Variants in CTNND2 observed in about 807,000 individuals in gnomAD.
CTNND2 encodes catenin delta-2.
Under a neutral mutation model 144.4 loss-of-function variants are expected in CTNND2, and 22 were observed. The observed-to-expected ratio is 0.15, with a 90% confidence interval of 0.11 to 0.22. The LOEUF (loss-of-function observed/expected upper bound fraction) is 0.22. CTNND2 is among the 10% of genes least tolerant of loss of function. The probability of loss-of-function intolerance (pLI) is 1.00; values close to 1 mark genes in which losing one functional copy is unlikely to be tolerated. For synonymous variants in CTNND2, 751 were observed against 695.6 expected, an observed-to-expected ratio of 1.08 and a Z score of -1.25; for missense variants, 1,353 against 1,618.8, an observed-to-expected ratio of 0.84 and a Z score of 2.82.
At chr5:11,522,646 T>C (rs1425669354) in intron 3 of CTNND2, among the ~76,000 whole-genome samples, 2 of 152,192 alleles carry the variant, frequency 1.3e-5, no homozygotes, top group African/African-American at 2.4e-5. Flanking sequence ...AAATTGCACA[T>C]AGAGAACAGA....
intron 10 of CTNND2, among the ~76,000 whole-genome samples, chr5:11,215,896 G>T (rs1739123107): frequency 6.6e-6 from 1 of 152,218 alleles, no homozygotes; most frequent in Admixed American, 6.5e-5. Flanking sequence ...ACAAATTAAA[G>T]AAATTGTGGT....
rs1232627080 is a variant in CTNND2 at position 11,903,845 on chromosome 5, C to T, written c.9G>A (p.Ala3=). Residue 3 remains alanine, a synonymous_variant, in exon 1 of 22, where the codon GCG becomes GCA. Transcript: ENST00000304623. The surrounding 1 kb of genome is among the most constrained non-coding windows in gnomAD (Gnocchi z 5.4). MF[A]RKPPGAAPLG... ...AAGGCGCGGCGCCCGGCGGCTTCCT[C>T]GCAAACATGCACCCTCCGCCGGCGA... 6.7e-7 allele frequency: 1 copy of T among 1,483,912 alleles called. No homozygotes were observed. The highest frequency in any genetic ancestry group is 8.9e-7 in the Non-Finnish European group (1 of 1,123,164). 91.9% of individuals were successfully genotyped at this position (1,483,912 alleles called of 1,614,324 possible).
At chr5:11,664,831 G>A (rs1301969184) in intron 2 of CTNND2, among the ~76,000 whole-genome samples, 2 of 152,100 alleles carry the variant, frequency 1.3e-5, no homozygotes, top group African/African-American at 4.8e-5. Context: ...GCTCCATCAG[G>A]TCTTGTTCAG....
intron 2 of CTNND2, among the ~76,000 whole-genome samples, chr5:11,608,290 A>T (rs1780159781): frequency 6.6e-6 from 1 of 152,140 alleles, no homozygotes; most frequent in Non-Finnish European, 1.5e-5. Context: ...CAAGGCTTTC[A>T]TCTCCAACTC....
chr5:11,735,306 G>C (rs1433737952), intron 1 of CTNND2, among the ~76,000 whole-genome samples: 1 of 152,180 alleles, frequency 6.6e-6, no homozygotes, highest in East Asian at 1.9e-4. Flanking sequence ...TATGTAAAAT[G>C]TAAACAACCA....
intron 2 of CTNND2, among the ~76,000 whole-genome samples, chr5:11,642,494 T>C (rs945520573): frequency 2.0e-5 from 3 of 152,072 alleles, no homozygotes; most frequent in African/African-American, 7.2e-5. Flanking sequence ...TGGATGAAGT[T>C]TCCAGGCAGA....
chr5:11,488,639 A>G (rs1769080111), intron 3 of CTNND2, among the ~76,000 whole-genome samples: 1 of 152,198 alleles, frequency 6.6e-6, no homozygotes, highest in South Asian at 2.1e-4. Flanking sequence ...GATTCATGTA[A>G]CTAGTAGCAT....
intron 2 of CTNND2, among the ~76,000 whole-genome samples, chr5:11,731,724 C>T (rs1787400332): frequency 6.6e-6 from 1 of 152,112 alleles, no homozygotes; most frequent in Non-Finnish European, 1.5e-5. Flanking sequence ...ACCAATTTGC[C>T]TTGACTTTGA....
chr5:11,533,749 T>C (rs1773970210), intron 3 of CTNND2, among the ~76,000 whole-genome samples: 4 of 152,240 alleles, frequency 2.6e-5, no homozygotes. Flanking sequence ...TGTGTATTTA[T>C]GTGGCTTCAG....
chr5:11,139,517 T>C (rs553560836), intron 12 of CTNND2, among the ~76,000 whole-genome samples: 25 of 152,224 alleles, frequency 1.6e-4, no homozygotes, highest in Non-Finnish European at 3.2e-4. Flanking sequence ...TTATGGAATC[T>C]TGGATGATAG....
chr5:11,434,595 T>C (rs1360637029), intron 3 of CTNND2, among the ~76,000 whole-genome samples: 1 of 152,142 alleles, frequency 6.6e-6, no homozygotes, highest in African/African-American at 2.4e-5. Flanking sequence ...GCCTGTGACT[T>C]TCCACGAAAT....
chr5:11,701,849 G>T (rs925525116), intron 2 of CTNND2, among the ~76,000 whole-genome samples: 7 of 152,136 alleles, frequency 4.6e-5, no homozygotes, highest in Non-Finnish European at 7.4e-5. Flanking sequence ...ACTGAAGATA[G>T]GCTGAGTTAT....
chr5:11,542,076 T>C (rs2150071044), intron 3 of CTNND2, among the ~76,000 whole-genome samples: 1 of 152,184 alleles, frequency 6.6e-6, no homozygotes, highest in South Asian at 2.1e-4. Context: ...TATTAATAAA[T>C]GGCTCTGTCA....
intron 2 of CTNND2, among the ~76,000 whole-genome samples, chr5:11,669,977 A>G (rs1230302509): frequency 6.6e-6 from 1 of 152,204 alleles, no homozygotes. Flanking sequence ...TTCAAAGAAC[A>G]TCTTTATTTA....
intron 2 of CTNND2, among the ~76,000 whole-genome samples, chr5:11,579,731 G>C (rs892079336): frequency 6.6e-6 from 1 of 152,136 alleles, no homozygotes; most frequent in Non-Finnish European, 1.5e-5. Context: ...ACATCTGTCT[G>C]TGCTTAGCCA....
chr5:11,005,154 G>A (rs1234012038), intron 18 of CTNND2, among the ~76,000 whole-genome samples: 2 of 152,224 alleles, frequency 1.3e-5, no homozygotes, highest in African/African-American at 2.4e-5. Flanking sequence ...GGCAGAGAAG[G>A]GGAGGCATTC....
intron 3 of CTNND2, among the ~76,000 whole-genome samples, chr5:11,417,391 G>T (rs985415711): frequency 5.9e-5 from 9 of 152,128 alleles, no homozygotes; most frequent in African/African-American, 1.9e-4. Context: ...CACAACCTGG[G>T]AGAAAATATT....
chr5:11,106,893 T>G (rs61755668), intron 14 of CTNND2, among the ~76,000 whole-genome samples: 6 of 152,128 alleles, frequency 3.9e-5, no homozygotes, highest in African/African-American at 1.4e-4. Flanking sequence ...GAAAGGATAC[T>G]CCTGTCTTCT....
At chr5:11,234,619 T>C (rs1741405692) in intron 10 of CTNND2, among the ~76,000 whole-genome samples, 1 of 152,170 alleles carries the variant, frequency 6.6e-6, no homozygotes, top group African/African-American at 2.4e-5. Context: ...ACAGCTGCTG[T>C]CACTACAGCT....
Sources: allele counts gnomAD v4.1 joint callset (sites outside exome capture counted in the v4.1 genomes callset), GRCh38; gene constraint gnomAD v4.1.1; non-coding constraint Gnocchi (gnomAD v3.1); transcripts MANE v1.5; gene names NCBI Gene and HGNC (gene_info 2026-07-23, HGNC 2026-07-21).